The following ZNF735 variants were observed in gnomAD, a reference collection of about 807,000 sequenced individuals.
The protein encoded by ZNF735 is zinc finger protein 735, also known as putative zinc finger protein 735.
Under a neutral mutation model 13.4 loss-of-function variants are expected in ZNF735, and 11 were observed. The observed-to-expected ratio is 0.82, with a 90% CI of 0.52 to 1.36. ZNF735 has a LOEUF of 1.36. Ranked by LOEUF, ZNF735 falls within the 40% of genes most tolerant of loss-of-function variation. ZNF735 has a pLI of 0.00. For synonymous variants in ZNF735, 171 were observed against 162.6 expected (o/e 1.05, Z -0.39); for missense variants, 500 against 484.6 (o/e 1.03, Z -0.30).
exon 4 of ZNF735, chr7:64,220,010 C>G (rs1787471932): frequency 6.2e-7 from 1 of 1,612,372 alleles, no homozygotes; most frequent in Admixed American, 1.7e-5. Flanking sequence ...AGAATTCATA[C>G]TGGAGAGAAA....
intron 3 of ZNF735, among the ~76,000 whole-genome samples, chr7:64,216,167 G>A (rs1291220679): frequency 2.6e-5 from 4 of 151,480 alleles, no homozygotes; most frequent in African/African-American, 9.7e-5. Flanking sequence ...GTAGTGGCGG[G>A]CACCTATAGT....
chr7:64,209,078 A>G (rs1343261791), intron 1 of ZNF735, among the ~76,000 whole-genome samples: 2 of 152,214 alleles, frequency 1.3e-5, no homozygotes, highest in Non-Finnish European at 2.9e-5. Context: ...TATTGGGTGT[A>G]TTCCCAATTG....
At chr7:64,214,486 C>T (rs1787397106) in intron 3 of ZNF735, among the ~76,000 whole-genome samples, 2 of 152,060 alleles carry the variant, frequency 1.3e-5, no homozygotes, top group Non-Finnish European at 2.9e-5. Context: ...AAACTTTTTG[C>T]ATCATGTCTA....
At chr7:64,219,541 A>C (rs748912817) in exon 4 of ZNF735, 1 of 1,595,340 alleles carries the variant, frequency 6.3e-7, no homozygotes, top group Non-Finnish European at 8.6e-7. Context: ...TAAATGTGTC[A>C]AAGTCTTCAG....
chr7:64,214,105 C>A, exon 3 of ZNF735: 1 of 1,599,672 alleles, frequency 6.3e-7, no homozygotes, highest in Non-Finnish European at 8.5e-7. Flanking sequence ...AGCCAAACAC[C>A]CAGGTAGGTG....
At chr7:64,210,957 T>A in intron 1 of ZNF735, among the ~76,000 whole-genome samples, 1 of 152,202 alleles carries the variant, frequency 6.6e-6, no homozygotes, top group African/African-American at 2.4e-5. Context: ...AAGAAAAAAA[T>A]CACTTTTTCT....
chr7:64,207,877 C>G (rs1450796091), intron 1 of ZNF735, among the ~76,000 whole-genome samples: 2 of 151,972 alleles, frequency 1.3e-5, no homozygotes, highest in Non-Finnish European at 2.9e-5. Context: ...GTCCCAGCTA[C>G]TCGGTAGTCT....
At chr7:64,217,869 G>C (rs1787441067) in intron 3 of ZNF735, among the ~76,000 whole-genome samples, 1 of 151,878 alleles carries the variant, frequency 6.6e-6, no homozygotes, top group African/African-American at 2.4e-5. Context: ...TCTACCCTGT[G>C]CTTCTTACTG....
chr7:64,212,954 T>C lies in ZNF735; in HGVS notation c.40-138T>C, dbSNP rs1787377433. The C allele has an allele frequency of 1.7e-5, 15 of 876,292 alleles. No homozygotes were observed. In the South Asian group the frequency reaches 2.7e-4, roughly 16 times the overall value. The allele number at this position is 876,292 out of a possible 1,614,324, so 54.3% of individuals were successfully genotyped here. A position where few individuals can be genotyped will look rare whatever the true frequency, so the allele number is the denominator to read the frequency against. ...AATACTTCCATGTTAAAAATTATCT[T>C]ACTGAGTAATTTCAGTCACTCTTGT... On this transcript the variant is annotated intron_variant, in intron 1 of 3. Coordinates refer to ENST00000429565, the Ensembl canonical transcript of ZNF735.
At chr7:64,218,536 C>T (rs1787448159) in intron 3 of ZNF735, among the ~76,000 whole-genome samples, 1 of 151,918 alleles carries the variant, frequency 6.6e-6, no homozygotes, top group African/African-American at 2.4e-5. Flanking sequence ...TGTTGACATT[C>T]TCATTTATCT....
chr7:64,220,239 T>G (rs1461543302), exon 4 of ZNF735: 7 of 1,612,490 alleles, frequency 4.3e-6, no homozygotes, highest in East Asian at 4.5e-5. Context: ...ATTCAAGTCT[T>G]GCTAAACATA....
At position 64,214,115 on chromosome 7, in the gene ZNF735, G is replaced by A. The variant is rs528653896; in HGVS notation, c.262+7G>A. 2.6e-4 allele frequency: 410 copies of A among 1,598,554 alleles called. No individual in the cohort carries two copies. The highest frequency in any genetic ancestry group is 3.4e-4 in the Non-Finnish European group (400 of 1,178,782). ...ATGGCAGCCAAACACCCAGGTAGGT[G>A]AGAGCAAATGAAGCAGATGACACGG... On this transcript the variant is annotated splice_region_variant and intron_variant, in intron 3 of 3. Coordinates refer to ENST00000429565, the Ensembl canonical transcript of ZNF735.
chr7:64,215,796 C>T (rs1787413034), intron 3 of ZNF735, among the ~76,000 whole-genome samples: 2 of 152,098 alleles, frequency 1.3e-5, no homozygotes, highest in South Asian at 4.1e-4. Context: ...ATTGTCTGCT[C>T]CTGGCAACCT....
At chr7:64,211,739 G>A (rs1487346708) in intron 1 of ZNF735, among the ~76,000 whole-genome samples, 4 of 151,574 alleles carry the variant, frequency 2.6e-5, no homozygotes, top group Admixed American at 6.6e-5. Flanking sequence ...AGTGCCATGC[G>A]CCTGTAATCC....
exon 4 of ZNF735, chr7:64,219,923 A>G (rs754269943): frequency 1.9e-6 from 3 of 1,613,964 alleles, no homozygotes; most frequent in Non-Finnish European, 1.7e-6. Flanking sequence ...AAGAGAATTC[A>G]TACTGGAGAG....
chr7:64,209,295 T>A (rs1265419727), intron 1 of ZNF735, among the ~76,000 whole-genome samples: 3 of 151,864 alleles, frequency 2.0e-5, no homozygotes, highest in African/African-American at 7.2e-5. Context: ...TTCATTACTC[T>A]AGTGTTTTAT....
chr7:64,218,138 G>A lies in ZNF735; in HGVS notation c.263-1176G>A, dbSNP rs548087775. Among the ~76,000 whole-genome samples, 27 of 152,060 alleles carry A rather than the reference G, an allele frequency of 1.8e-4. No individual in the cohort carries two copies. The East Asian group carries it at 5.2e-3, about 29-fold the overall frequency. ...GTGCTTATATGCTTTTCCAGCATTT[G>A]TTTATTCTGGAAGATCTTTATTTTT... is the stretch of plus-strand genomic sequence containing the variant. On this transcript the variant is annotated intron_variant, in intron 3 of 3. Transcript: ENST00000429565.
chr7:64,213,973 T>G, intron 2 of ZNF735, 40 bp from the exon 3 acceptor site: 1 of 1,507,382 alleles, frequency 6.6e-7, no homozygotes, highest in Non-Finnish European at 8.9e-7. Flanking sequence ...AATAAATAAA[T>G]AAATAAGATT....
In ZNF735 at chr7:64,219,890, G is replaced by A. The variant is rs577985399; in HGVS notation, c.839G>A (p.Arg280His). The stretch of plus-strand genomic sequence containing the variant: ...GAAGAATGTGGCCAAGCCTTTAGGC[G>A]CTCCTCAACACTTACTAACCACAAG... The change falls in exon 4 of 4, where the codon CGC (arginine) becomes CAC (histidine). Residue 280 changes from arginine (R) to histidine (H), a missense_variant. Physicochemically the swap from Arg to His is conservative, Grantham distance 29 (BLOSUM62 0). Transcript: ENST00000429565. 182 of 1,612,444 alleles carry A rather than the reference G, an allele frequency of 1.1e-4. No individual in the cohort carries two copies. The highest frequency in any genetic ancestry group is 1.4e-4 in the Non-Finnish European group (162 of 1,179,586).
Sources: gnomAD v4.1 joint callset for allele counts (sites outside exome capture counted in the v4.1 genomes callset) on GRCh38, gnomAD v4.1.1 for gene constraint, MANE v1.5 for transcripts, NCBI Gene and HGNC (gene_info 2026-07-23, HGNC 2026-07-21) for gene names.